The following SLC25A37 variants were observed in gnomAD, a reference collection of about 807,000 sequenced individuals.
The protein encoded by SLC25A37 is mitoferrin-1.
Under a neutral mutation model 31.0 loss-of-function variants are expected in SLC25A37, and 17 were observed. That is an observed-to-expected ratio of 0.55 (90% CI 0.38 to 0.82). SLC25A37 has a LOEUF of 0.82. Among genes scored for constraint, SLC25A37 ranks in the 40% least tolerant of loss-of-function variants. The pLI is 0.00. For missense variants in SLC25A37, 404 were observed against 465.8 expected (o/e 0.87, Z 1.22); for synonymous variants, 222 against 193.0 (o/e 1.15, Z -1.24).
At chr8:23,553,179 G>A (rs961261669) in intron 1 of SLC25A37, among the ~76,000 whole-genome samples, 7 of 152,188 alleles carry the variant, frequency 4.6e-5, no homozygotes, top group African/African-American at 1.7e-4. Flanking sequence ...CCAGCACTTT[G>A]GGAGGCCGAG....
intron 1 of SLC25A37, among the ~76,000 whole-genome samples, chr8:23,558,036 C>G (rs931068533): frequency 6.6e-6 from 1 of 152,214 alleles, no homozygotes; most frequent in Admixed American, 6.5e-5. Context: ...GTTTGTATCC[C>G]CATTGCACCT....
intron 3 of SLC25A37, 150 bp from the exon 4 acceptor site, chr8:23,571,184 AG>A: frequency 3.3e-6 from 3 of 913,558 alleles, no homozygotes; most frequent in Non-Finnish European, 4.8e-6. Flanking sequence ...TGCTCAGACT[AG>A]GGCTGTGTGT....
intron 1 of SLC25A37, among the ~76,000 whole-genome samples, chr8:23,542,696 T>TTC (rs1385871490): frequency 1.4e-4 from 21 of 149,212 alleles, no homozygotes; most frequent in African/African-American, 4.7e-4. Flanking sequence ...TTTTTTTTTT[T>TTC]TTAAGTTAAT....
At chr8:23,545,656 C>T (rs1008951765) in intron 1 of SLC25A37, among the ~76,000 whole-genome samples, 32 of 152,280 alleles carry the variant, frequency 2.1e-4, no homozygotes, top group African/African-American at 7.7e-4. Flanking sequence ...TAGACAATGC[C>T]AAGCTGTCAC....
intron 1 of SLC25A37, among the ~76,000 whole-genome samples, chr8:23,538,375 C>T (rs1485902953): frequency 1.2e-5 from 1 of 86,422 alleles, no homozygotes; most frequent in Admixed American, 2.0e-4. Flanking sequence ...AGCGAGACTT[C>T]ATCTCAAAAA....
chr8:23,567,848 TTTTTTTTTA>T (rs1409016599), intron 2 of SLC25A37: 15 of 146,466 alleles, frequency 1.0e-4, no homozygotes, highest in Non-Finnish European at 6.1e-5. Context: ...TTTTTTTTTT[TTTTTTTTTA>T]AAGCCTGGAT....
At chr8:23,559,272 C>T (rs554540442) in intron 1 of SLC25A37, among the ~76,000 whole-genome samples, 2 of 152,180 alleles carry the variant, frequency 1.3e-5, no homozygotes, top group South Asian at 4.1e-4. Flanking sequence ...AGACTAGAAG[C>T]TAGGTCTTGG....
intron 1 of SLC25A37, among the ~76,000 whole-genome samples, chr8:23,544,140 G>T (rs940754015): frequency 6.6e-6 from 1 of 152,194 alleles, no homozygotes; most frequent in African/African-American, 2.4e-5. Flanking sequence ...GATTACAGTT[G>T]TGAGTCACCG....
In SLC25A37 at chr8:23,545,864, C is replaced by T. The variant is rs561938032; in HGVS notation, c.210+16652C>T. ...TAAAAATAAAAAAATAGGCCGGGCG[C>T]GGTGGCTCATGCCTGTAATTCCAGC... is the stretch of plus-strand genomic sequence containing the variant. On this transcript the variant is annotated intron_variant, in intron 1 of 3. Coordinates refer to ENST00000519973, the MANE Select transcript of SLC25A37 (RefSeq NM_016612.4). 1.2e-4 allele frequency among the ~76,000 whole-genome samples: 19 copies of T among 152,172 alleles called. No homozygotes were observed. In the South Asian group the frequency reaches 3.3e-3, roughly 27 times the overall value.
chr8:23,548,049 C>T (rs1351301488), intron 1 of SLC25A37, among the ~76,000 whole-genome samples: 3 of 152,042 alleles, frequency 2.0e-5, no homozygotes, highest in East Asian at 1.9e-4. Flanking sequence ...GAGGAGCATC[C>T]GTGGGAATGA....
chr8:23,543,324 C>T (rs1482992796), intron 1 of SLC25A37: 1 of 152,178 alleles, frequency 6.6e-6, no homozygotes, highest in East Asian at 1.9e-4. Context: ...CTCGACCTCC[C>T]AAAGTGCTAG....
intron 2 of SLC25A37, 72 bp from the exon 3 acceptor site, chr8:23,568,250 T>G: frequency 6.4e-7 from 1 of 1,553,758 alleles, no homozygotes; most frequent in Non-Finnish European, 8.9e-7. Context: ...GGGTTCCGTC[T>G]GATTTTAGGT....
chr8:23,534,754 C>T (rs976945462), intron 1 of SLC25A37, among the ~76,000 whole-genome samples: 1 of 152,192 alleles, frequency 6.6e-6, no homozygotes, highest in Non-Finnish European at 1.5e-5. Flanking sequence ...ACCGATCTCC[C>T]AGGGTGGTTG....
At chr8:23,546,556 G>GTATA (rs56169952) in intron 1 of SLC25A37, among the ~76,000 whole-genome samples, 20 of 42,588 alleles carry the variant, frequency 4.7e-4, no homozygotes, top group Admixed American at 1.8e-3. Context: ...TATATATAGT[G>GTATA]TATATATATA....
intron 1 of SLC25A37, among the ~76,000 whole-genome samples, chr8:23,564,304 C>T (rs879302681): frequency 1.6e-4 from 25 of 152,086 alleles, no homozygotes; most frequent in African/African-American, 4.6e-4. Flanking sequence ...CTCTCTGTCC[C>T]GGTGAGTGAG....
intron 1 of SLC25A37, among the ~76,000 whole-genome samples, chr8:23,549,495 C>A (rs1293305962): frequency 6.6e-6 from 1 of 152,206 alleles, no homozygotes; most frequent in African/African-American, 2.4e-5. Flanking sequence ...AGCATAAATT[C>A]AGCAAGTGGG....
At chr8:23,558,885 G>T (rs1172189871) in intron 1 of SLC25A37, among the ~76,000 whole-genome samples, 9 of 152,130 alleles carry the variant, frequency 5.9e-5, no homozygotes, top group Non-Finnish European at 1.2e-4. Flanking sequence ...TGCTTATTTG[G>T]CACCCTCTTT....
intron 1 of SLC25A37, chr8:23,543,251 T>C (rs57933450): frequency 0.39 from 58,613 of 151,792 alleles, 13,327 homozygotes; most frequent in East Asian, 0.62. Flanking sequence ...ATTGGTGTAG[T>C]GAAGGAGTTT....
Position 23,566,308 on chromosome 8 carries a change from C to A in SLC25A37, c.411C>A (p.His137Gln). Residue 137 changes from histidine (H) to glutamine (Q), a missense_variant, in exon 2 of 4, where the codon CAC becomes CAA. Transcript: ENST00000519973. ...NMKRTLNDVF[H>Q]HQGNSHLANG... ...AAAGGACTTTAAATGACGTTTTCCA[C>A]CACCAAGGAAACAGCCACCTAGCCA... 1 of 1,592,958 alleles carries A rather than the reference C, an allele frequency of 6.3e-7. No homozygotes were observed. The highest frequency in any genetic ancestry group is 1.2e-5 in the South Asian group (1 of 86,864).
Sources: allele counts gnomAD v4.1 joint callset (sites outside exome capture counted in the v4.1 genomes callset), GRCh38; gene constraint gnomAD v4.1.1; transcripts MANE v1.5; gene names NCBI Gene and HGNC (gene_info 2026-07-23, HGNC 2026-07-21).